The following SLC35F3 variants were observed in gnomAD, a reference collection of about 807,000 sequenced individuals.
SLC35F3 encodes putative thiamine transporter SLC35F3.
In SLC35F3, 25 loss-of-function variants were observed where a neutral mutation model predicts 49.9. The observed-to-expected ratio is 0.50, with a 90% confidence interval of 0.37 to 0.70. SLC35F3 has a LOEUF of 0.70. Ranked by LOEUF, SLC35F3 falls within the 30% of genes least tolerant of loss-of-function variation. SLC35F3 has a pLI of 0.00. For synonymous variants in SLC35F3, 275 were observed against 265.4 expected, an observed-to-expected ratio of 1.04 and a Z score of -0.35; for missense variants, 525 against 639.8, an observed-to-expected ratio of 0.82 and a Z score of 1.94.
intron 2 of SLC35F3, among the ~76,000 whole-genome samples, chr1:233,971,348 C>T (rs1662988285): frequency 6.6e-6 from 1 of 152,214 alleles, no homozygotes; most frequent in Admixed American, 6.5e-5. Context: ...AATGTAGTGT[C>T]TGGTGACAGC....
chr1:234,184,955 G>T (rs1339146771), intron 2 of SLC35F3, among the ~76,000 whole-genome samples: 1 of 152,154 alleles, frequency 6.6e-6, no homozygotes. Flanking sequence ...AAGATCTTGG[G>T]CATTTGTACC....
chr1:234,108,285 T>TTATATATATAAAAGATATATATTATTTA lies in SLC35F3; in HGVS notation c.284-123124_284-123123insTAAAAGATATATATTATTTATATATATA, dbSNP rs59253152. ...TATATATATAAAAGATATATATTAT[T>TTATATATATAAAAGATATATATTATTTA]TATATATAAAGATATATATTTATAT... is the stretch of plus-strand genomic sequence containing the variant. On this transcript the variant is annotated intron_variant, in intron 2 of 7. Transcript: ENST00000366618. Among the ~76,000 whole-genome samples the TTATATATATAAAAGATATATATTATTTA allele has an allele frequency of 2.9e-4, 12 of 41,118 alleles. 1 individual carries two copies. The highest frequency in any genetic ancestry group is 1.8e-3 in the East Asian group (2 of 1,082). 27.0% of individuals were successfully genotyped at this position (41,118 alleles called of 152,430 possible). A position where few individuals can be genotyped will look rare whatever the true frequency, so the allele number is the denominator to read the frequency against.
At position 234,015,781 on chromosome 1, in the gene SLC35F3, AC is replaced by A. The variant is rs1198285564; in HGVS notation, c.283+110025del. 2.0e-5 allele frequency among the ~76,000 whole-genome samples: 3 copies of A among 152,370 alleles called. No individual in the cohort carries two copies. In the South Asian group the frequency reaches 6.2e-4, roughly 32 times the overall value. ...TGAATTTGACTCCAAATGCTCCAGTACCAAAAGCAAAAATAAATAAACGGGA... is the reference window on the plus strand; with the variant it reads ...TGAATTTGACTCCAAATGCTCCAGTACAAAAGCAAAAATAAATAAACGGGA... On this transcript the variant is annotated intron_variant, in intron 2 of 7. Coordinates refer to ENST00000366618, the MANE Select transcript of SLC35F3 (RefSeq NM_173508.4).
At chr1:233,960,939 T>C (rs1662789781) in intron 2 of SLC35F3, among the ~76,000 whole-genome samples, 2 of 151,676 alleles carry the variant, frequency 1.3e-5, no homozygotes, top group South Asian at 2.1e-4. Flanking sequence ...TCCACACACC[T>C]GCACCACCAT....
chr1:233,907,839 C>T (rs1009193584), intron 2 of SLC35F3, among the ~76,000 whole-genome samples: 1 of 152,142 alleles, frequency 6.6e-6, no homozygotes, highest in African/African-American at 2.4e-5. Flanking sequence ...GATTCTCCTG[C>T]CTCAGCCTCC....
intron 2 of SLC35F3, among the ~76,000 whole-genome samples, chr1:234,108,444 A>C (rs1167203795): frequency 8.5e-6 from 1 of 117,354 alleles, no homozygotes; most frequent in Non-Finnish European, 1.6e-5. Context: ...ATATATATAA[A>C]AGATATATAT....
intron 2 of SLC35F3, among the ~76,000 whole-genome samples, chr1:234,040,361 T>C (rs1031166096): frequency 6.6e-6 from 1 of 152,140 alleles, no homozygotes; most frequent in Non-Finnish European, 1.5e-5. Context: ...AAAAAGACGT[T>C]ATTCAAAAGG....
intron 3 of SLC35F3, among the ~76,000 whole-genome samples, chr1:234,280,004 A>G (rs946372490): frequency 5.3e-5 from 8 of 152,176 alleles, no homozygotes; most frequent in African/African-American, 1.9e-4. Flanking sequence ...CATAAGTTGG[A>G]ACCTGGCTCA....
chr1:234,204,597 C>T (rs1164896357), intron 2 of SLC35F3, among the ~76,000 whole-genome samples: 1 of 152,188 alleles, frequency 6.6e-6, no homozygotes, highest in Non-Finnish European at 1.5e-5. Flanking sequence ...GTTTAGGAAG[C>T]CACAGCCAGA....
intron 2 of SLC35F3, among the ~76,000 whole-genome samples, chr1:234,186,016 G>A (rs1666638719): frequency 1.3e-5 from 2 of 152,282 alleles, no homozygotes; most frequent in African/African-American, 4.8e-5. Flanking sequence ...CGCGTAGACA[G>A]TTTGTCTGAA....
chr1:233,949,498 C>T (rs1662568684), intron 2 of SLC35F3, among the ~76,000 whole-genome samples: 1 of 152,148 alleles, frequency 6.6e-6, no homozygotes, highest in African/African-American at 2.4e-5. Context: ...AGGGAAAATG[C>T]AAAGATGGAG....
chr1:234,153,992 A>G (rs1007908733), intron 2 of SLC35F3, among the ~76,000 whole-genome samples: 16 of 151,652 alleles, frequency 1.1e-4, no homozygotes, highest in Admixed American at 1.0e-3. Context: ...AACCCAGGAG[A>G]CGGAGCTTGC....
chr1:233,937,820 T>C (rs1329430605), intron 2 of SLC35F3, among the ~76,000 whole-genome samples: 3 of 152,084 alleles, frequency 2.0e-5, no homozygotes, highest in Non-Finnish European at 2.9e-5. Flanking sequence ...GAAGCAAGGA[T>C]AGTCAGGGGG....
At chr1:234,008,160 A>G (rs200866815) in intron 2 of SLC35F3, among the ~76,000 whole-genome samples, 1 of 15,062 alleles carries the variant, frequency 6.6e-5, no homozygotes, top group Non-Finnish European at 1.4e-4. Flanking sequence ...CTCATCTATT[A>G]GATTCTTCTA....
chr1:233,999,653 T>C (rs929909961), intron 2 of SLC35F3, among the ~76,000 whole-genome samples: 3 of 152,116 alleles, frequency 2.0e-5, no homozygotes, highest in African/African-American at 7.2e-5. Flanking sequence ...CTACTGAGAC[T>C]CTATCCCCCA....
chr1:234,050,416 G>T (rs910662547), intron 2 of SLC35F3, among the ~76,000 whole-genome samples: 1 of 152,120 alleles, frequency 6.6e-6, no homozygotes, highest in African/African-American at 2.4e-5. Context: ...TCATGTGTCT[G>T]TTGGCTGCAT....
chr1:234,038,555 G>A (rs1013978674), intron 2 of SLC35F3, among the ~76,000 whole-genome samples: 1 of 152,026 alleles, frequency 6.6e-6, no homozygotes, highest in Non-Finnish European at 1.5e-5. Flanking sequence ...TTCCACAATG[G>A]TTGAACTAGT....
rs373682494 is a variant in SLC35F3 at position 234,224,934 on chromosome 1, C to T, written c.284-6483C>T. 3.3e-5 allele frequency among the ~76,000 whole-genome samples: 5 copies of T among 152,336 alleles called. No homozygotes were observed. In the East Asian group the frequency reaches 5.8e-4, roughly 18 times the overall value. On this transcript the variant is annotated intron_variant, in intron 2 of 7. Transcript: ENST00000366618. ...ATACTATCTCCTTTTCCTTTACCCA[C>T]GGTCAACACCTAACTTCAATTATCT...
chr1:233,957,815 CA>C lies in SLC35F3; in HGVS notation c.283+52067del, dbSNP rs71734550. On this transcript the variant is annotated intron_variant, in intron 2 of 7. Transcript: ENST00000366618. The surrounding 1 kb of genome is among the most constrained non-coding windows in gnomAD (Gnocchi z 4.0). ...GGGCGACAAAAGCGAAACTCCATCT[CA>C]AAAAAAAAATACAATAATCATTTTA... Among the ~76,000 whole-genome samples, 27 of 147,870 alleles carry C rather than the reference CA, an allele frequency of 1.8e-4. No individual in the cohort carries two copies. The highest frequency in any genetic ancestry group is 5.4e-4 in the Admixed American group (8 of 14,856).
Sources: gnomAD v4.1 joint callset for allele counts (sites outside exome capture counted in the v4.1 genomes callset) on GRCh38, gnomAD v4.1.1 for gene constraint, Gnocchi (gnomAD v3.1) non-coding constraint, MANE v1.5 for transcripts, NCBI Gene and HGNC (gene_info 2026-07-23, HGNC 2026-07-21) for gene names.